RPTOR: variants seen among roughly 807,000 people sequenced by gnomAD.
RPTOR encodes the protein regulatory associated protein of MTOR complex 1.
RPTOR carries 21 observed loss-of-function variants against 169.9 expected under a neutral mutation model. The ratio of observed to expected loss-of-function variants is 0.12; its 90% confidence interval spans 0.09 to 0.18. RPTOR has a LOEUF of 0.18. RPTOR is among the 10% of genes least tolerant of loss of function. The probability of loss-of-function intolerance (pLI) is 1.00; values close to 1 mark genes in which losing one functional copy is unlikely to be tolerated. For missense variants in RPTOR, 1,133 were observed against 1,855.9 expected (o/e 0.61, Z 7.16); for synonymous variants, 732 against 753.2 (o/e 0.97, Z 0.46).
chr17:80,918,872 C>A (rs1330515063), intron 21 of RPTOR, among the ~76,000 whole-genome samples: 1 of 152,146 alleles, frequency 6.6e-6, no homozygotes, highest in Non-Finnish European at 1.5e-5. Flanking sequence ...GGGCTCCACA[C>A]AGCCAGCTGC....
intron 11 of RPTOR, among the ~76,000 whole-genome samples, chr17:80,847,772 G>A (rs2248502): frequency 0.18 from 27,004 of 152,162 alleles, 2,505 homozygotes; most frequent in African/African-American, 0.22. Flanking sequence ...CGTGAGTGGC[G>A]CCGCCCACCT....
At chr17:80,887,366 G>T (rs1355000233) in intron 17 of RPTOR, among the ~76,000 whole-genome samples, 3 of 125,932 alleles carry the variant, frequency 2.4e-5, no homozygotes, top group Non-Finnish European at 5.1e-5. Context: ...ACCGACTCCG[G>T]GGGTGTGCTG....
At chr17:80,567,164 T>G (rs2064852544) in intron 1 of RPTOR, among the ~76,000 whole-genome samples, 1 of 151,944 alleles carries the variant, frequency 6.6e-6, no homozygotes, top group Non-Finnish European at 1.5e-5. Context: ...ACAGACAGGG[T>G]TTCATCACGT....
At chr17:80,953,818 C>T (rs929857648) in intron 28 of RPTOR, among the ~76,000 whole-genome samples, 3 of 152,180 alleles carry the variant, frequency 2.0e-5, no homozygotes, top group Non-Finnish European at 2.9e-5. Context: ...GAAGTATGTG[C>T]CCTCCCGCCC....
At chr17:80,809,382 G>T (rs1443740471) in intron 7 of RPTOR, among the ~76,000 whole-genome samples, 1 of 152,052 alleles carries the variant, frequency 6.6e-6, no homozygotes, top group Non-Finnish European at 1.5e-5. Context: ...TAGTAGAGAT[G>T]GGGTTTCACC....
chr17:80,841,228 AC>A lies in RPTOR; in HGVS notation c.1212+3232del, dbSNP rs1340507144. On this transcript the variant is annotated intron_variant, in intron 10 of 33. Coordinates refer to ENST00000306801, the MANE Select transcript of RPTOR (RefSeq NM_020761.3). Reference sequence around the variant, plus strand: ...GCTCACTCTCACCGCACGGCAGCTCACTCTCACCGCACGGCAGCTCACTCTC... The same window carrying A: ...GCTCACTCTCACCGCACGGCAGCTCATCTCACCGCACGGCAGCTCACTCTC... 8.4e-5 allele frequency among the ~76,000 whole-genome samples: 8 copies of A among 95,124 alleles called. 2 individuals carry two copies. Among genetic ancestry groups the A allele is most frequent in the East Asian group, 3.9e-4 (1 of 2,540 alleles). 62.4% of individuals were successfully genotyped at this position (95,124 alleles called of 152,430 possible). A position where few individuals can be genotyped will look rare whatever the true frequency, so the allele number is the denominator to read the frequency against.
rs1007456810 is a variant in RPTOR at position 80,724,315 on chromosome 17, G to T, written c.508-6245G>T. ...ATGAGTGCCAGGATGGAAGGGTCAG[G>T]AGAGAGGAGACATGGCAACCCACCC... On this transcript the variant is annotated intron_variant, in intron 4 of 33. Transcript: ENST00000306801. Among the ~76,000 whole-genome samples, 20 of 151,192 alleles carry T rather than the reference G, an allele frequency of 1.3e-4. 1 individual carries two copies. Among genetic ancestry groups the T allele is most frequent in the Admixed American group, 5.2e-4 (8 of 15,258 alleles).
chr17:80,560,823 CTG>C (rs893754425), intron 1 of RPTOR, among the ~76,000 whole-genome samples: 2 of 152,102 alleles, frequency 1.3e-5, no homozygotes, highest in African/African-American at 2.4e-5. Context: ...AACAGGGACT[CTG>C]TGTTCACTGC....
At chr17:80,864,079 T>C (rs2143774819) in intron 13 of RPTOR, among the ~76,000 whole-genome samples, 1 of 152,352 alleles carries the variant, frequency 6.6e-6, no homozygotes, top group Non-Finnish European at 1.5e-5. Context: ...AGAAAAAGTA[T>C]TTGAAGAAAC....
chr17:80,910,905 A>T (rs532175046), intron 21 of RPTOR, among the ~76,000 whole-genome samples: 3 of 148,276 alleles, frequency 2.0e-5, no homozygotes, highest in African/African-American at 7.5e-5. Flanking sequence ...ATCTCAGCTC[A>T]CTGCAGCCTC....
chr17:80,861,429 G>A lies in RPTOR; in HGVS notation c.1509+3529G>A, dbSNP rs561457507. On this transcript the variant is annotated intron_variant, in intron 13 of 33. Transcript: ENST00000306801. The surrounding 1 kb of genome is among the most constrained non-coding windows in gnomAD (Gnocchi z 4.5). ...GGCTTTGTGGATCAGGACGCGAGAG[G>A]TGTGGGTCATTTCTATTTTACTCTT... 6.9e-6 allele frequency among the ~76,000 whole-genome samples: 1 copy of A among 145,016 alleles called. No individual in the cohort carries two copies. The highest frequency in any genetic ancestry group is 2.0e-4 in the East Asian group (1 of 5,058).
intron 11 of RPTOR, among the ~76,000 whole-genome samples, chr17:80,849,099 A>AC (rs34599105): frequency 2.0e-5 from 3 of 151,846 alleles, no homozygotes; most frequent in African/African-American, 7.3e-5. Context: ...CATTTGACGT[A>AC]CCCCCCGGGA....
chr17:80,804,572 AG>A (rs1012147681), intron 7 of RPTOR: 50 of 152,320 alleles, frequency 3.3e-4, no homozygotes, highest in African/African-American at 1.2e-3. Context: ...CAGGGAGGAC[AG>A]CAGCAAGCCC....
In RPTOR at chr17:80,746,236, ACCGCCC is replaced by A. The variant is rs2143295935; in HGVS notation, c.655-7771_655-7766del. On this transcript the variant is annotated intron_variant, in intron 5 of 33. Coordinates refer to ENST00000306801, the MANE Select transcript of RPTOR (RefSeq NM_020761.3). This position sits in a 1 kb window ranked among gnomAD's most constrained non-coding sequence, Gnocchi z 4.5. Reference sequence around the variant, plus strand: ...GCGGTGCTTTCTGCGGGTGATCCCCACCGCCCCCACAGCGGTGCTTTCTGCGGGTGA... The same window carrying A: ...GCGGTGCTTTCTGCGGGTGATCCCCACCACAGCGGTGCTTTCTGCGGGTGA... 1.5e-5 allele frequency among the ~76,000 whole-genome samples: 2 copies of A among 129,800 alleles called. No individual in the cohort carries two copies. Among genetic ancestry groups the A allele is most frequent in the South Asian group, 2.5e-4 (1 of 3,988 alleles). 85.2% of individuals were successfully genotyped at this position (129,800 alleles called of 152,430 possible).
rs375582241 is a variant in RPTOR at position 80,860,047 on chromosome 17, G to A, written c.1509+2147G>A. On this transcript the variant is annotated intron_variant, in intron 13 of 33. Coordinates refer to ENST00000306801, the MANE Select transcript of RPTOR (RefSeq NM_020761.3). The surrounding 1 kb of genome is among the most constrained non-coding windows in gnomAD (Gnocchi z 5.8). ...CTTGGAGAGGCCATGGCTTGGAGCC[G>A]GGGAAGACCACCCTTTCCTTTTCTG... Among the ~76,000 whole-genome samples the A allele has an allele frequency of 5.1e-4, 77 of 152,306 alleles. No individual in the cohort carries two copies. The highest frequency in any genetic ancestry group is 1.7e-3 in the African/African-American group (71 of 41,560).
intron 6 of RPTOR, among the ~76,000 whole-genome samples, chr17:80,789,067 T>C (rs1272244305): frequency 2.0e-5 from 3 of 152,242 alleles, no homozygotes; most frequent in African/African-American, 7.2e-5. Context: ...GATATTCCCA[T>C]TTTAATTTTT....
rs151098382 is a variant in RPTOR at position 80,788,128 on chromosome 17, C to T, written c.831-3322C>T. On this transcript the variant is annotated intron_variant, in intron 6 of 33. Coordinates refer to ENST00000306801, the MANE Select transcript of RPTOR (RefSeq NM_020761.3). ...TTGTCATGCTCACACATTTGAATGACAGTTTGGCTGGATACAAAATTCTAG... is the reference window on the plus strand; with the variant it reads ...TTGTCATGCTCACACATTTGAATGATAGTTTGGCTGGATACAAAATTCTAG... Among the ~76,000 whole-genome samples the T allele has an allele frequency of 1.4e-4, 22 of 152,248 alleles. No homozygotes were observed. In the East Asian group the frequency reaches 4.1e-3, roughly 28 times the overall value.
At chr17:80,683,825 T>A (rs549132103) in intron 3 of RPTOR, among the ~76,000 whole-genome samples, 1 of 152,174 alleles carries the variant, frequency 6.6e-6, no homozygotes, top group Non-Finnish European at 1.5e-5. Flanking sequence ...CACGACAAGG[T>A]GGAGCAGCCT....
intron 9 of RPTOR, among the ~76,000 whole-genome samples, chr17:80,831,104 T>C (rs1406437929): frequency 6.6e-6 from 1 of 152,298 alleles, no homozygotes; most frequent in African/African-American, 2.4e-5. Context: ...AGCAGCCGTG[T>C]GTTGTTCCGA....
Sources: gnomAD v4.1 joint callset for allele counts (sites outside exome capture counted in the v4.1 genomes callset) on GRCh38, gnomAD v4.1.1 for gene constraint, Gnocchi (gnomAD v3.1) non-coding constraint, MANE v1.5 for transcripts, NCBI Gene and HGNC (gene_info 2026-07-23, HGNC 2026-07-21) for gene names.